The following SPIDR variants were observed in gnomAD, a reference collection of about 807,000 sequenced individuals.
The protein encoded by SPIDR is DNA repair-scaffolding protein.
In SPIDR, 93 loss-of-function variants were observed where a neutral mutation model predicts 104.6. That is an observed-to-expected ratio of 0.89 (90% CI 0.75 to 1.06). The LOEUF (loss-of-function observed/expected upper bound fraction) is 1.06, where lower values mean the gene tolerates loss of function less well. Ranked by LOEUF, SPIDR falls within the 50% of genes least tolerant of loss-of-function variation. The pLI is 0.00. For missense variants in SPIDR, 1,154 were observed against 1,111.2 expected (o/e 1.04, Z -0.55); for synonymous variants, 431 against 416.9 (o/e 1.03, Z -0.41).
At chr8:47,360,706 C>T in intron 5 of SPIDR, 1 of 313,670 alleles carries the variant, frequency 3.2e-6, no homozygotes. Context: ...TGTGAAATCT[C>T]CCACTTTCTA....
At chr8:47,455,849 A>C (rs1270675616) in intron 8 of SPIDR, among the ~76,000 whole-genome samples, 2 of 152,196 alleles carry the variant, frequency 1.3e-5, no homozygotes, top group Non-Finnish European at 2.9e-5. Context: ...GGAGCCCCAA[A>C]ATATATGAAG....
At chr8:47,598,907 G>A (rs376486898) in intron 9 of SPIDR, 39 bp from the exon 10 acceptor site, 4 of 1,609,082 alleles carry the variant, frequency 2.5e-6, no homozygotes, top group Non-Finnish European at 3.4e-6. Flanking sequence ...CTGAAACTTT[G>A]TGAGTCTTGA....
chr8:47,585,361 A>G (rs1310235453), intron 8 of SPIDR, among the ~76,000 whole-genome samples: 1 of 152,250 alleles, frequency 6.6e-6, no homozygotes, highest in Non-Finnish European at 1.5e-5. Context: ...ACATAAAATG[A>G]CTAGTGGGAT....
At chr8:47,472,201 G>C (rs1322404152) in intron 8 of SPIDR, among the ~76,000 whole-genome samples, 2 of 152,206 alleles carry the variant, frequency 1.3e-5, no homozygotes, top group Non-Finnish European at 2.9e-5. Flanking sequence ...CAAAGCTGTA[G>C]CTTGTTGCAG....
At chr8:47,607,947 C>G (rs942516624) in intron 10 of SPIDR, among the ~76,000 whole-genome samples, 2 of 149,298 alleles carry the variant, frequency 1.3e-5, no homozygotes, top group Non-Finnish European at 2.9e-5. Context: ...TTTTAAAGAG[C>G]TTTATTGATA....
chr8:47,466,887 G>GAAAAAA (rs148299700), intron 8 of SPIDR, among the ~76,000 whole-genome samples: 21 of 48,966 alleles, frequency 4.3e-4, no homozygotes, highest in African/African-American at 1.1e-3. Flanking sequence ...AGTTTTTTTT[G>GAAAAAA]AAAAAAAAAA....
chr8:47,324,466 T>A (rs1450393412), intron 5 of SPIDR, among the ~76,000 whole-genome samples: 1 of 152,190 alleles, frequency 6.6e-6, no homozygotes, highest in African/African-American at 2.4e-5. Flanking sequence ...CAAGACAAAT[T>A]GACAAGTATG....
chr8:47,313,878 G>A (rs2044722890), intron 5 of SPIDR, among the ~76,000 whole-genome samples: 1 of 152,154 alleles, frequency 6.6e-6, no homozygotes, highest in Non-Finnish European at 1.5e-5. Flanking sequence ...GAATTCTGTA[G>A]CCAAATAAGA....
chr8:47,577,296 T>C (rs537849861), intron 8 of SPIDR, among the ~76,000 whole-genome samples: 17 of 152,372 alleles, frequency 1.1e-4, no homozygotes, highest in African/African-American at 4.1e-4. Flanking sequence ...CAACCTGATG[T>C]CATGGAACAC....
At chr8:47,601,743 G>A (rs2062320632) in intron 10 of SPIDR, among the ~76,000 whole-genome samples, 6 of 152,154 alleles carry the variant, frequency 3.9e-5, no homozygotes, top group Admixed American at 3.9e-4. Flanking sequence ...TTAGATTAAG[G>A]CTGACCCAGG....
chr8:47,717,036 G>C (rs1223947060), intron 16 of SPIDR, among the ~76,000 whole-genome samples: 2 of 152,192 alleles, frequency 1.3e-5, no homozygotes, highest in African/African-American at 4.8e-5. Flanking sequence ...TGGCCCACGT[G>C]AGCCAGCGTG....
At chr8:47,508,386 G>T (rs930559884) in intron 8 of SPIDR, among the ~76,000 whole-genome samples, 1 of 152,140 alleles carries the variant, frequency 6.6e-6, no homozygotes, top group Non-Finnish European at 1.5e-5. Flanking sequence ...TACTGAGTTT[G>T]ATTAACTGGA....
chr8:47,481,804 T>TTGA (rs1471511494), intron 8 of SPIDR, among the ~76,000 whole-genome samples: 8 of 152,220 alleles, frequency 5.3e-5, no homozygotes, highest in Non-Finnish European at 1.2e-4. Context: ...AAAGGACCAC[T>TTGA]TGAAGTCATT....
chr8:47,701,994 G>T lies in SPIDR; in HGVS notation c.1956G>T (p.Thr652=). 4 of 1,604,976 alleles carry T rather than the reference G, an allele frequency of 2.5e-6. No homozygotes were observed. Among genetic ancestry groups the T allele is most frequent in the Non-Finnish European group, 2.6e-6 (3 of 1,175,718 alleles). The change falls in exon 14 of 20, where the codon ACG becomes ACT. Residue 652 remains threonine, a synonymous_variant. Coordinates refer to ENST00000297423, the MANE Select transcript of SPIDR (RefSeq NM_001080394.4). The part of the protein sequence containing the change: ...DLGTRCSFYA[T]VIYQKPQLKS... ...GTACCCGTTGCAGTTTCTATGCCAC[G>T]GTGATTTACCAAAAACCACAGGTAA...
At chr8:47,645,834 T>A (rs981378479) in intron 10 of SPIDR, among the ~76,000 whole-genome samples, 1 of 152,214 alleles carries the variant, frequency 6.6e-6, no homozygotes, top group African/African-American at 2.4e-5. Flanking sequence ...ACTTTAATCT[T>A]ACACCAAGAT....
intron 8 of SPIDR, among the ~76,000 whole-genome samples, chr8:47,444,969 G>A (rs1563991573): frequency 6.6e-6 from 1 of 152,130 alleles, no homozygotes; most frequent in Non-Finnish European, 1.5e-5. Context: ...TTTCAAAGTC[G>A]CTTTTAGGAA....
intron 8 of SPIDR, among the ~76,000 whole-genome samples, chr8:47,466,902 T>A (rs61574515): frequency 0.089 from 7,017 of 78,456 alleles, 411 homozygotes; most frequent in African/African-American, 0.22. Context: ...AAAAAAAAAA[T>A]ATATATATAT....
chr8:47,473,022 G>A (rs540055830), intron 8 of SPIDR, among the ~76,000 whole-genome samples: 6 of 152,296 alleles, frequency 3.9e-5, no homozygotes, highest in Admixed American at 1.3e-4. Flanking sequence ...TACAACCTGC[G>A]ATTGCCTGGA....
chr8:47,556,737 C>T (rs2091371893), intron 8 of SPIDR, among the ~76,000 whole-genome samples: 1 of 151,964 alleles, frequency 6.6e-6, no homozygotes, highest in Admixed American at 6.6e-5. Context: ...GTAGCTGGGA[C>T]TACAGGTACA....
Sources: allele counts gnomAD v4.1 joint callset (sites outside exome capture counted in the v4.1 genomes callset), GRCh38; gene constraint gnomAD v4.1.1; transcripts MANE v1.5; gene names NCBI Gene and HGNC (gene_info 2026-07-23, HGNC 2026-07-21).